Variants in IL17RA observed in about 807,000 individuals in gnomAD.
The protein encoded by IL17RA is interleukin-17 receptor A.
A neutral mutation model predicts 50.4 loss-of-function variants in IL17RA; 34 were observed. The ratio of observed to expected loss-of-function variants is 0.67; its 90% confidence interval spans 0.51 to 0.90. IL17RA has a LOEUF of 0.90. Among genes scored for constraint, IL17RA ranks in the 40% least tolerant of loss-of-function variants. The pLI, the probability that IL17RA is intolerant of heterozygous loss-of-function variation, is 0.00. For synonymous variants in IL17RA, 585 were observed against 510.4 expected, an observed-to-expected ratio of 1.15 and a Z score of -1.97; for missense variants, 1,276 against 1,169.8, an observed-to-expected ratio of 1.09 and a Z score of -1.32.
intron 9 of IL17RA, among the ~76,000 whole-genome samples, chr22:17,105,273 C>T (rs537549621): frequency 1.2e-4 from 18 of 152,302 alleles, no homozygotes; most frequent in African/African-American, 4.1e-4. Context: ...GATCACACAG[C>T]AGGGACGCTG....
In IL17RA at chr22:17,109,422, G is replaced by A. The variant is rs2123813088; in HGVS notation, c.2203G>A (p.Ala735Thr). The A allele has an allele frequency of 1.2e-6, 2 of 1,613,366 alleles. No individual in the cohort carries two copies. Among genetic ancestry groups the A allele is most frequent in the Non-Finnish European group, 1.7e-6 (2 of 1,179,988 alleles). ...GCCCCTTGGCAGCAGCACCCCCATG[G>A]CGTCTCCTGACCTCCTTCCAGAGGA... ...DSPLGSSTPMASPDLLPEDVR... is the reference protein window; with the variant it reads ...DSPLGSSTPMTSPDLLPEDVR... The change falls in exon 13 of 13, where the codon GCG becomes ACG. Residue 735 changes from alanine to threonine, a missense_variant. Physicochemically the swap from Ala to Thr is moderately conservative, Grantham distance 58 (BLOSUM62 0). Coordinates refer to ENST00000319363, the MANE Select transcript of IL17RA (RefSeq NM_014339.7).
At chr22:17,085,404 C>T in intron 1 of IL17RA, 175 bp downstream of exon 1, 1 of 864,090 alleles carries the variant, frequency 1.2e-6, no homozygotes, top group Non-Finnish European at 1.4e-6. Context: ...TGGGGAGGAC[C>T]CTCGGAGCGG....
intron 1 of IL17RA, among the ~76,000 whole-genome samples, chr22:17,094,720 C>T (rs1286392290): frequency 2.2e-5 from 1 of 44,664 alleles, no homozygotes; most frequent in Non-Finnish European, 4.2e-5. Flanking sequence ...TATATATATT[C>T]AGGGAGATCT....
In IL17RA at chr22:17,109,661, G is replaced by A; in HGVS notation, c.2442G>A (p.Glu814=). ...PPEGLTEMEE[E]EEEEQDPGKP... ...AGGGACTCACGGAAATGGAGGAAGA[G>A]GAGGAAGAGGAGCAGGACCCAGGGA... Residue 814 remains glutamate (E), a synonymous_variant, in exon 13 of 13, where the codon GAG becomes GAA. Coordinates refer to ENST00000319363, the MANE Select transcript of IL17RA (RefSeq NM_014339.7). 6.2e-7 allele frequency: 1 copy of A among 1,604,184 alleles called. No individual in the cohort carries two copies. Among genetic ancestry groups the A allele is most frequent in the Non-Finnish European group, 8.5e-7 (1 of 1,176,378 alleles).
intron 1 of IL17RA, chr22:17,093,747 A>G (rs1231895932): frequency 5.2e-6 from 1 of 193,270 alleles, no homozygotes; most frequent in Non-Finnish European, 1.1e-5. Flanking sequence ...CACAGTATGG[A>G]ACGTTCCTTA....
Position 17,109,965 on chromosome 22 carries a change from C to T in IL17RA, c.*145C>T. 1 of 842,888 alleles carries T rather than the reference C, an allele frequency of 1.2e-6. No individual in the cohort carries two copies. Among genetic ancestry groups the T allele is most frequent in the East Asian group, 2.7e-5 (1 of 37,604 alleles). 52.2% of individuals were successfully genotyped at this position (842,888 alleles called of 1,614,324 possible). A position where few individuals can be genotyped will look rare whatever the true frequency, so the allele number is the denominator to read the frequency against. ...AATGTAAATGTCTGGATTTTAATCC[C>T]AGGCATCCCTCCTAACTTTTCTTTG... On this transcript the variant is annotated 3_prime_UTR_variant, in exon 13 of 13. Transcript: ENST00000319363.
chr22:17,085,442 G>C (rs376639892), intron 1 of IL17RA, among the ~76,000 whole-genome samples: 1 of 152,142 alleles, frequency 6.6e-6, no homozygotes, highest in South Asian at 2.1e-4. Context: ...AATACGGGGG[G>C]GGTGGGTGGC....
Position 17,108,413 on chromosome 22 carries a change from C to G in IL17RA, c.1194C>G (p.Phe398Leu), listed in dbSNP as rs1568923232. 3.1e-6 allele frequency: 5 copies of G among 1,614,096 alleles called. No individual in the cohort carries two copies. Among genetic ancestry groups the G allele is most frequent in the Non-Finnish European group, 4.2e-6 (5 of 1,180,026 alleles). Residue 398 changes from phenylalanine (F) to leucine (L), a missense_variant, in exon 13 of 13, where the codon TTC (phenylalanine) becomes TTG (leucine). Transcript: ENST00000319363. ...HPLYVDVVLK[F>L]AQFLLTACGT... ...TCTACGTGGACGTGGTCCTGAAATTCGCCCAGTTCCTGCTCACCGCCTGCG... is the reference window on the plus strand; with the variant it reads ...TCTACGTGGACGTGGTCCTGAAATTGGCCCAGTTCCTGCTCACCGCCTGCG...
intron 7 of IL17RA, among the ~76,000 whole-genome samples, chr22:17,103,045 G>A: frequency 6.6e-6 from 1 of 152,162 alleles, no homozygotes; most frequent in East Asian, 1.9e-4. Context: ...GGGAAACTGA[G>A]GCAGAAGAAT....
At position 17,113,052 on chromosome 22, in the gene IL17RA, T is replaced by A. The variant is rs2061451211; in HGVS notation, c.*3232T>A. The A allele has an allele frequency of 6.6e-6, 1 of 151,488 alleles. No individual in the cohort carries two copies. Among genetic ancestry groups the A allele is most frequent in the Non-Finnish European group, 1.5e-5 (1 of 67,946 alleles). The allele number at this position is 151,488 out of a possible 1,614,324, so 9.4% of individuals were successfully genotyped here. A position where few individuals can be genotyped will look rare whatever the true frequency, so the allele number is the denominator to read the frequency against. ...CTTTGATTCAAAACCAGTTTCTCTT[T>A]TCTGCATAGGAAGGTCCTTGAAGGT... On this transcript the variant is annotated 3_prime_UTR_variant, in exon 13 of 13. Coordinates refer to ENST00000319363, the MANE Select transcript of IL17RA (RefSeq NM_014339.7).
chr22:17,098,914 A>G, intron 4 of IL17RA, 27 bp downstream of exon 4: 3 of 1,554,686 alleles, frequency 1.9e-6, no homozygotes, highest in Non-Finnish European at 2.7e-6. Flanking sequence ...TGAGTGGATT[A>G]TGTTCCACTG....
rs41455651 is a variant in IL17RA, at chr22:17,106,222, G to A, written c.1045+268G>A. On this transcript the variant is annotated intron_variant, in intron 11 of 12. Transcript: ENST00000319363. ...TAAAATCAATAGTTTGGAAGGAGCC[G>A]GAGTAAAGTTTCCCTGTGTCAGGAA... 9.4e-3 allele frequency among the ~76,000 whole-genome samples: 1,438 copies of A among 152,300 alleles called. 28 individuals carry two copies. The highest frequency in any genetic ancestry group is 0.032 in the African/African-American group (1,327 of 41,564).
chr22:17,097,943 G>T lies in IL17RA; in HGVS notation c.310G>T (p.Ala104Ser). ...AHIEWTLQTD[A>S]SILYLEGAEL... ...CATCGAATGGACACTGCAGACAGACGGTGAGTGGGCATGCCAGCAGGGCCC... is the reference window on the plus strand; with the variant it reads ...CATCGAATGGACACTGCAGACAGACTGTGAGTGGGCATGCCAGCAGGGCCC... The change falls in exon 3 of 13, where the codon GCC (alanine) becomes TCC (serine). Residue 104 changes from alanine (A) to serine (S), a missense_variant and splice_region_variant. Coordinates refer to ENST00000319363, the MANE Select transcript of IL17RA (RefSeq NM_014339.7). The T allele has an allele frequency of 1.2e-6, 2 of 1,613,986 alleles. No individual in the cohort carries two copies. Among genetic ancestry groups the T allele is most frequent in the South Asian group, 2.2e-5 (2 of 91,086 alleles).
chr22:17,106,687 T>A (rs1434092569), intron 11 of IL17RA, among the ~76,000 whole-genome samples: 2 of 152,160 alleles, frequency 1.3e-5, no homozygotes, highest in African/African-American at 4.8e-5. Flanking sequence ...GGAAGCTGTT[T>A]CCACCCTTCC....
Position 17,098,888 on chromosome 22 carries a change from G to A in IL17RA, c.423+1G>A. On this transcript the variant is annotated splice_donor_variant, in intron 4 of 12. Coordinates refer to ENST00000319363, the MANE Select transcript of IL17RA (RefSeq NM_014339.7). LOFTEE classifies it high-confidence loss of function. ...CAAACTGAGGCATCACCACAGGCGG[G>A]TAAGAACACAGCTCCTGAGTGGATT... 1 of 1,611,824 alleles carries A rather than the reference G, an allele frequency of 6.2e-7. No homozygotes were observed. The highest frequency in any genetic ancestry group is 1.1e-5 in the South Asian group (1 of 91,024).
In IL17RA at chr22:17,112,706, T is replaced by A. The variant is rs1276855178; in HGVS notation, c.*2886T>A. The A allele has an allele frequency of 3.9e-5, 6 of 152,158 alleles. No homozygotes were observed. Among genetic ancestry groups the A allele is most frequent in the Non-Finnish European group, 5.9e-5 (4 of 68,038 alleles). 9.4% of individuals were successfully genotyped at this position (152,158 alleles called of 1,614,324 possible). On this transcript the variant is annotated 3_prime_UTR_variant, in exon 13 of 13. Transcript: ENST00000319363. ...CTGAATGCCAAGAGCTTCAAGAGTG[T>A]GTGTAAATAAAGCCACACCTTTATT...
rs558794517 is a variant in IL17RA, at chr22:17,086,702, TC to T, written c.138+1475del. Among the ~76,000 whole-genome samples, 79 of 152,314 alleles carry T rather than the reference TC, an allele frequency of 5.2e-4. 1 individual carries two copies. The South Asian group carries it at 0.015, about 28-fold the overall frequency. On this transcript the variant is annotated intron_variant, in intron 1 of 12. Transcript: ENST00000319363. ...TGCACAACTGCTAAGTGTACGGAAT[TC>T]CAGGAAAAAGAAAAATTGCTTCCAG... is the stretch of plus-strand genomic sequence containing the variant.
chr22:17,104,574 C>T (rs2061406000), intron 8 of IL17RA, 152 bp from the exon 9 acceptor site: 3 of 736,228 alleles, frequency 4.1e-6, no homozygotes, highest in East Asian at 2.7e-5. Flanking sequence ...GGCAGGGGTT[C>T]GCTGACCCGC....
At position 17,108,393 on chromosome 22, in the gene IL17RA, G is replaced by C. The variant is rs146478431; in HGVS notation, c.1174G>C (p.Val392Leu). The C allele has an allele frequency of 6.2e-7, 1 of 1,614,030 alleles. No homozygotes were observed. Among genetic ancestry groups the C allele is most frequent in the South Asian group, 1.1e-5 (1 of 91,084 alleles). ...IIYSADHPLY[V>L]DVVLKFAQFL... ...CTACTCAGCCGACCACCCCCTCTAC[G>C]TGGACGTGGTCCTGAAATTCGCCCA... The change falls in exon 13 of 13, where the codon GTG becomes CTG. Residue 392 changes from valine (V) to leucine (L), a missense_variant. By Grantham distance (32) the Val-to-Leu change is conservative. Transcript: ENST00000319363.
Sources: gnomAD v4.1 joint callset for allele counts (sites outside exome capture counted in the v4.1 genomes callset) on GRCh38, gnomAD v4.1.1 for gene constraint, MANE v1.5 for transcripts, NCBI Gene and HGNC (gene_info 2026-07-23, HGNC 2026-07-21) for gene names.